SVOP: variants seen among roughly 807,000 people sequenced by gnomAD.
The protein encoded by SVOP is SV2 related protein.
SVOP carries 17 observed loss-of-function variants against 69.1 expected under a neutral mutation model. That is an observed-to-expected ratio of 0.25 (90% CI 0.17 to 0.37). The LOEUF (loss-of-function observed/expected upper bound fraction) is 0.37. SVOP is among the 10% of genes least tolerant of loss of function. SVOP has a pLI of 1.00. For missense variants in SVOP, 435 were observed against 597.5 expected (o/e 0.73, Z 2.84); for synonymous variants, 238 against 238.6 (o/e 1.00, Z 0.02).
At chr12:108,920,594 C>CTTT (rs71079507) in intron 12 of SVOP, among the ~76,000 whole-genome samples, 8,550 of 121,216 alleles carry the variant, frequency 0.071, 563 homozygotes, top group Non-Finnish European at 0.1. Context: ...ATTTTTACAT[C>CTTT]TTTTTTTTTT....
intron 4 of SVOP, 56 bp downstream of exon 4, chr12:108,977,342 G>A: frequency 6.6e-7 from 1 of 1,517,788 alleles, no homozygotes; most frequent in Non-Finnish European, 8.8e-7. Flanking sequence ...TATCCCACAG[G>A]ACACCCCAGG....
chr12:108,996,512 G>A (rs180997839), intron 1 of SVOP, among the ~76,000 whole-genome samples: 35 of 151,904 alleles, frequency 2.3e-4, no homozygotes, highest in African/African-American at 6.8e-4. Context: ...CCAAGATGGC[G>A]CTACTGCACT....
rs982367136 is a variant in SVOP at position 108,937,155 on chromosome 12, C to T, written c.971+109G>A. The T allele has an allele frequency of 4.5e-6, 5 of 1,121,904 alleles. No homozygotes were observed. In the East Asian group the frequency reaches 9.5e-5, roughly 21 times the overall value. 69.5% of individuals were successfully genotyped at this position (1,121,904 alleles called of 1,614,324 possible). ...ATGATGTTCGAACTACTGAAATTTG[C>T]AAACGCTGCCTGAAATCAAAGTGCT... On this transcript the variant is annotated intron_variant, in intron 10 of 15. Coordinates refer to ENST00000610966, the MANE Select transcript of SVOP (RefSeq NM_018711.5).
chr12:108,975,707 A>G (rs1477039006), intron 4 of SVOP, among the ~76,000 whole-genome samples: 1 of 151,980 alleles, frequency 6.6e-6, no homozygotes, highest in Admixed American at 6.6e-5. Flanking sequence ...TATTATTATT[A>G]TTGTTGTTAT....
At chr12:108,929,763 T>A (rs1267871874) in intron 11 of SVOP, among the ~76,000 whole-genome samples, 1 of 152,124 alleles carries the variant, frequency 6.6e-6, no homozygotes, top group Non-Finnish European at 1.5e-5. Flanking sequence ...TATACTGAGG[T>A]CTCTCTCCTC....
At position 108,934,408 on chromosome 12, in the gene SVOP, C is replaced by T. The variant is rs566622737; in HGVS notation, c.972-137G>A. On this transcript the variant is annotated intron_variant, in intron 10 of 15. Coordinates refer to ENST00000610966, the MANE Select transcript of SVOP (RefSeq NM_018711.5). ...CTTCACTGGGATTTTGGGGGCTTTA[C>T]TGGGGACCTTGAGCAAGAAGATGGT... 141 of 653,630 alleles carry T rather than the reference C, an allele frequency of 2.2e-4. No homozygotes were observed. The African/African-American group carries it at 2.4e-3, about 11-fold the overall frequency. 40.5% of individuals were successfully genotyped at this position (653,630 alleles called of 1,614,324 possible).
intron 11 of SVOP, among the ~76,000 whole-genome samples, chr12:108,932,189 A>T (rs568475778): frequency 2.0e-5 from 3 of 151,594 alleles, no homozygotes; most frequent in Admixed American, 2.0e-4. Flanking sequence ...CTAATTTTTT[A>T]AATTTTTTGT....
chr12:108,936,928 G>T (rs372994111), intron 10 of SVOP: 22 of 291,810 alleles, frequency 7.5e-5, no homozygotes, highest in African/African-American at 4.1e-4. Flanking sequence ...CTGGTTCAGC[G>T]GCTTACAACT....
At chr12:108,934,362 C>T (rs2039843484) in intron 10 of SVOP, 91 bp from the exon 11 acceptor site, 7 of 1,036,094 alleles carry the variant, frequency 6.8e-6, no homozygotes, top group Non-Finnish European at 9.9e-6. Flanking sequence ...ATGTCTACAG[C>T]AGCAGGGACC....
intron 2 of SVOP, among the ~76,000 whole-genome samples, chr12:108,982,818 C>CCATCATCAT (rs1457103379): frequency 3.3e-5 from 4 of 122,756 alleles, no homozygotes; most frequent in African/African-American, 3.3e-5. Context: ...ATCATCATCA[C>CCATCATCAT]CATCATCATC....
chr12:109,011,383 A>C (rs1226957826), intron 1 of SVOP, among the ~76,000 whole-genome samples: 2 of 152,220 alleles, frequency 1.3e-5, no homozygotes, highest in Admixed American at 6.5e-5. Context: ...GGGGATGCCC[A>C]GGCTATTACA....
At chr12:108,931,342 G>T (rs1373960820) in intron 11 of SVOP, among the ~76,000 whole-genome samples, 2 of 152,214 alleles carry the variant, frequency 1.3e-5, no homozygotes, top group Non-Finnish European at 2.9e-5. Flanking sequence ...AGAATTTAGT[G>T]TTATCTTAAA....
chr12:108,954,574 C>G (rs1376387024), intron 6 of SVOP, among the ~76,000 whole-genome samples: 1 of 152,144 alleles, frequency 6.6e-6, no homozygotes, highest in Non-Finnish European at 1.5e-5. Flanking sequence ...AATCTCTCGT[C>G]CTCTTTGTAG....
At chr12:108,964,120 C>T (rs1400954433) in intron 5 of SVOP, among the ~76,000 whole-genome samples, 2 of 151,754 alleles carry the variant, frequency 1.3e-5, no homozygotes, top group Non-Finnish European at 1.5e-5. Flanking sequence ...TTTGAGAGCT[C>T]GAGGCAAAAG....
intron 11 of SVOP, among the ~76,000 whole-genome samples, chr12:108,927,585 C>T (rs1010934635): frequency 1.0e-4 from 12 of 115,720 alleles, no homozygotes; most frequent in Admixed American, 5.8e-4. Context: ...GACTCTCTCT[C>T]TCTCTTTTTT....
chr12:108,924,445 G>T (rs911695113), intron 11 of SVOP, among the ~76,000 whole-genome samples: 12 of 152,232 alleles, frequency 7.9e-5, no homozygotes, highest in African/African-American at 2.9e-4. Context: ...CAGTTGCTCA[G>T]GCAGAAAGCC....
At chr12:108,943,963 C>G (rs576563841) in intron 7 of SVOP, among the ~76,000 whole-genome samples, 2 of 152,084 alleles carry the variant, frequency 1.3e-5, no homozygotes, top group African/African-American at 4.8e-5. Context: ...CTCACTGCAA[C>G]TTCCACCTCC....
rs2039678218 is a variant in SVOP, at chr12:108,911,010, G to GA, written c.*1524_*1525insT. ...GGATCTGCCAGCTTCCTCCCTCCTT[G>GA]TCTATGTCCCCTGCCTTCACCATGG... On this transcript the variant is annotated 3_prime_UTR_variant, in exon 16 of 16. Transcript: ENST00000610966. The GA allele has an allele frequency of 6.6e-6, 1 of 152,162 alleles. No individual in the cohort carries two copies. Among genetic ancestry groups the GA allele is most frequent in the African/African-American group, 2.4e-5 (1 of 41,400 alleles). The allele number at this position is 152,162 out of a possible 1,614,324, so 9.4% of individuals were successfully genotyped here. A position where few individuals can be genotyped will look rare whatever the true frequency, so the allele number is the denominator to read the frequency against.
At chr12:108,958,326 CTG>C (rs1362416032) in intron 6 of SVOP, among the ~76,000 whole-genome samples, 3 of 147,916 alleles carry the variant, frequency 2.0e-5, no homozygotes, top group Non-Finnish European at 3.0e-5. Context: ...TAATTTAATA[CTG>C]TGTTTCTACT....
Sources: allele counts gnomAD v4.1 joint callset (sites outside exome capture counted in the v4.1 genomes callset), GRCh38; gene constraint gnomAD v4.1.1; transcripts MANE v1.5; gene names NCBI Gene and HGNC (gene_info 2026-07-23, HGNC 2026-07-21).